Variants in RABGAP1L observed in about 807,000 individuals in gnomAD.
RABGAP1L encodes the protein RAB GTPase activating protein 1 like.
RABGAP1L carries 63 observed loss-of-function variants against 137.7 expected under a neutral mutation model. That is an observed-to-expected ratio of 0.46 (90% CI 0.37 to 0.56). The LOEUF (loss-of-function observed/expected upper bound fraction) is 0.56. Ranked by LOEUF, RABGAP1L falls within the 20% of genes least tolerant of loss-of-function variation. The probability of loss-of-function intolerance (pLI) is 0.00; values close to 1 mark genes in which losing one functional copy is unlikely to be tolerated. For synonymous variants in RABGAP1L, 431 were observed against 433.7 expected (o/e 0.99, Z 0.08); for missense variants, 1,095 against 1,244.0 (o/e 0.88, Z 1.80).
intron 13 of RABGAP1L, among the ~76,000 whole-genome samples, chr1:174,505,569 T>C (rs979571833): frequency 6.6e-6 from 1 of 151,976 alleles, no homozygotes; most frequent in Non-Finnish European, 1.5e-5. Context: ...TGAACATCAC[T>C]AATCATCAGG....
At chr1:174,256,819 A>G (rs1673170747) in intron 7 of RABGAP1L, among the ~76,000 whole-genome samples, 1 of 152,070 alleles carries the variant, frequency 6.6e-6, no homozygotes, top group Non-Finnish European at 1.5e-5. Flanking sequence ...CCACGAAAAT[A>G]TATCCTGCTC....
intron 1 of RABGAP1L, among the ~76,000 whole-genome samples, chr1:174,184,012 C>A (rs529945524): frequency 7.3e-5 from 11 of 151,288 alleles, no homozygotes; most frequent in Non-Finnish European, 1.5e-4. Context: ...ACTACAGGCA[C>A]CCACCACCAT....
intron 11 of RABGAP1L, among the ~76,000 whole-genome samples, chr1:174,362,660 T>C (rs780473543): frequency 6.6e-6 from 1 of 152,232 alleles, no homozygotes; most frequent in African/African-American, 2.4e-5. Context: ...AAGTTCCTTA[T>C]AGATGCTGGA....
intron 17 of RABGAP1L, among the ~76,000 whole-genome samples, chr1:174,735,073 C>T (rs1363864816): frequency 6.6e-6 from 1 of 151,316 alleles, no homozygotes; most frequent in Non-Finnish European, 1.5e-5. Context: ...AGCAATCCTC[C>T]TGCCTCAGCC....
intron 18 of RABGAP1L, among the ~76,000 whole-genome samples, chr1:174,786,983 T>G (rs921218445): frequency 6.6e-6 from 1 of 152,168 alleles, no homozygotes; most frequent in Non-Finnish European, 1.5e-5. Context: ...ATCTCAGAGT[T>G]TCACTGGGAA....
At position 174,401,078 on chromosome 1, in the gene RABGAP1L, G is replaced by A. The variant is rs1283064131; in HGVS notation, c.1710+6933G>A. ...ACCTCAATCTGGAACCAAGGACCAA[G>A]CAGGACCAGTCAGAAGAGCTGTTAT... On this transcript the variant is annotated intron_variant, in intron 13 of 25. Transcript: ENST00000681986. 2.0e-5 allele frequency among the ~76,000 whole-genome samples: 3 copies of A among 152,066 alleles called. No individual in the cohort carries two copies. In the East Asian group the frequency reaches 5.8e-4, roughly 29 times the overall value.
intron 5 of RABGAP1L, among the ~76,000 whole-genome samples, chr1:174,243,516 T>C (rs1215468035): frequency 6.6e-6 from 1 of 152,120 alleles, no homozygotes; most frequent in Non-Finnish European, 1.5e-5. Flanking sequence ...TATTTCTTTT[T>C]AAAAAAAATT....
chr1:174,833,198 T>A (rs983972015), intron 19 of RABGAP1L, among the ~76,000 whole-genome samples: 3 of 151,680 alleles, frequency 2.0e-5, no homozygotes, highest in African/African-American at 7.3e-5. Flanking sequence ...AGTCGCATAA[T>A]GTATTTATTT....
intron 1 of RABGAP1L, among the ~76,000 whole-genome samples, chr1:174,174,120 G>A (rs1665630867): frequency 6.6e-6 from 1 of 151,670 alleles, no homozygotes; most frequent in African/African-American, 2.4e-5. Flanking sequence ...CAAGCAGCAA[G>A]ATGCTGCAAT....
intron 17 of RABGAP1L, among the ~76,000 whole-genome samples, chr1:174,715,624 A>C (rs572541360): frequency 6.6e-6 from 1 of 152,318 alleles, no homozygotes; most frequent in African/African-American, 2.4e-5. Context: ...AGGTTTTTCA[A>C]CTTTTTTCAA....
chr1:174,375,387 A>G lies in RABGAP1L; in HGVS notation c.1559+4315A>G, dbSNP rs145721637. 6.8e-4 allele frequency among the ~76,000 whole-genome samples: 103 copies of G among 152,076 alleles called. 1 individual carries two copies. The highest frequency in any genetic ancestry group is 2.3e-3 in the African/African-American group (94 of 41,508). On this transcript the variant is annotated intron_variant, in intron 12 of 25. Transcript: ENST00000681986. ...AAGAACAGAAATAAATGGAATTGAG[A>G]AGAACACTTCAGAAAATCAGTCAAA... is the stretch of plus-strand genomic sequence containing the variant.
intron 1 of RABGAP1L, among the ~76,000 whole-genome samples, chr1:174,166,806 C>G (rs959873613): frequency 3.3e-5 from 5 of 152,116 alleles, no homozygotes; most frequent in Non-Finnish European, 7.4e-5. Flanking sequence ...TAGAGTGTTG[C>G]CCAGGTAACA....
chr1:174,573,415 A>T (rs896183732), intron 13 of RABGAP1L, among the ~76,000 whole-genome samples: 2 of 152,140 alleles, frequency 1.3e-5, no homozygotes, highest in Non-Finnish European at 2.9e-5. Context: ...ATCAAAAGTC[A>T]TTAAGTGTTT....
At chr1:174,563,460 G>A (rs1316131522) in intron 13 of RABGAP1L, among the ~76,000 whole-genome samples, 2 of 152,184 alleles carry the variant, frequency 1.3e-5, no homozygotes, top group Non-Finnish European at 2.9e-5. Flanking sequence ...TCTAAGGCAA[G>A]TCACTTATCC....
At chr1:174,561,785 G>A (rs1036942388) in intron 13 of RABGAP1L, among the ~76,000 whole-genome samples, 4 of 152,148 alleles carry the variant, frequency 2.6e-5, no homozygotes, top group African/African-American at 9.7e-5. Context: ...ATGGTGTTGG[G>A]AAAACTGGCT....
chr1:174,181,320 A>G (rs192145800), intron 1 of RABGAP1L, among the ~76,000 whole-genome samples: 1 of 151,012 alleles, frequency 6.6e-6, no homozygotes, highest in Non-Finnish European at 1.5e-5. Flanking sequence ...ATCATTTTAT[A>G]CAAGGGTCTT....
intron 13 of RABGAP1L, among the ~76,000 whole-genome samples, chr1:174,612,442 G>A (rs1216973932): frequency 6.6e-6 from 1 of 152,190 alleles, no homozygotes; most frequent in African/African-American, 2.4e-5. Context: ...TTGATGTGCT[G>A]CTGGATTCGG....
intron 3 of RABGAP1L, among the ~76,000 whole-genome samples, chr1:174,222,117 A>T (rs1057368625): frequency 1.3e-5 from 2 of 151,692 alleles, no homozygotes; most frequent in Non-Finnish European, 2.9e-5. Context: ...AGTGCAAGCC[A>T]TTGCACCCAT....
intron 18 of RABGAP1L, among the ~76,000 whole-genome samples, chr1:174,754,923 T>A (rs1304602759): frequency 6.6e-6 from 1 of 152,180 alleles, no homozygotes; most frequent in Non-Finnish European, 1.5e-5. Flanking sequence ...TCTTGAACAT[T>A]TATACTCTGT....
Sources: gnomAD v4.1 joint callset for allele counts (sites outside exome capture counted in the v4.1 genomes callset) on GRCh38, gnomAD v4.1.1 for gene constraint, MANE v1.5 for transcripts, NCBI Gene and HGNC (gene_info 2026-07-23, HGNC 2026-07-21) for gene names.